The following INIP variants were observed in gnomAD, a reference collection of about 807,000 sequenced individuals.
The protein encoded by INIP is INTS3 and NABP interacting protein, also known as SOSS complex subunit C.
A neutral mutation model predicts 14.0 loss-of-function variants in INIP; 9 were observed. The ratio of observed to expected loss-of-function variants is 0.64; its 90% CI spans 0.39 to 1.12. The LOEUF is 1.12. INIP is among the 50% of genes most tolerant of loss of function. The pLI, the probability that INIP is intolerant of heterozygous loss-of-function variation, is 0.01. For missense variants in INIP, 78 were observed against 122.7 expected (o/e 0.64, Z 1.72); for synonymous variants, 37 against 41.5 (o/e 0.89, Z 0.41).
chr9:112,692,242 A>G (rs1466790564), intron 3 of INIP, among the ~76,000 whole-genome samples: 1 of 152,172 alleles, frequency 6.6e-6, no homozygotes, highest in African/African-American at 2.4e-5. Context: ...TTTAAGAGAA[A>G]GACAGAAGAG....
intron 2 of INIP, among the ~76,000 whole-genome samples, chr9:112,710,293 T>G (rs532944102): frequency 6.6e-6 from 1 of 152,292 alleles, no homozygotes; most frequent in South Asian, 2.1e-4. Flanking sequence ...TCTGCAGATC[T>G]TATAGTTACT....
At chr9:112,688,093 T>TAAATAAATAAAC (rs1837748540) in intron 4 of INIP, among the ~76,000 whole-genome samples, 1 of 142,646 alleles carries the variant, frequency 7.0e-6, no homozygotes, top group African/African-American at 2.8e-5. Flanking sequence ...CTCAAATAAA[T>TAAATAAATAAAC]AAATAAATAA....
At chr9:112,698,750 G>A (rs1838189834) in intron 2 of INIP, among the ~76,000 whole-genome samples, 1 of 152,144 alleles carries the variant, frequency 6.6e-6, no homozygotes, top group African/African-American at 2.4e-5. Context: ...GAGATCCTTA[G>A]ATTCCCAGTT....
intron 2 of INIP, among the ~76,000 whole-genome samples, chr9:112,700,881 G>C (rs548744064): frequency 3.9e-5 from 6 of 152,068 alleles, no homozygotes; most frequent in African/African-American, 1.4e-4. Context: ...GCCAAGAGTG[G>C]TGAGCTATGC....
chr9:112,694,171 G>C lies in INIP; in HGVS notation c.88C>G (p.Leu30Val). Residue 30 changes from leucine (L) to valine (V), a missense_variant, in exon 3 of 5, where the codon CTT becomes GTT. By Grantham distance (32) the Leu-to-Val change is conservative. Coordinates refer to ENST00000374242, the MANE Select transcript of INIP (RefSeq NM_021218.3). ...TTTGTTGAAGACTGGTTCTGCATAA[G>C]TAGTTTTCTTTTCTCTTTGTCCAGT... ...AELDKEKRKLLMQNQSSTNHP... is the reference protein window; with the variant it reads ...AELDKEKRKLVMQNQSSTNHP... 4 of 1,611,546 alleles carry C rather than the reference G, an allele frequency of 2.5e-6. No homozygotes were observed. The highest frequency in any genetic ancestry group is 3.4e-6 in the Non-Finnish European group (4 of 1,178,876).
chr9:112,695,160 T>C (rs573853731), intron 2 of INIP, among the ~76,000 whole-genome samples: 1 of 150,418 alleles, frequency 6.6e-6, no homozygotes, highest in African/African-American at 2.4e-5. Flanking sequence ...ACAATCCTTA[T>C]CACCTTGTTT....
rs770928185 is a variant in INIP, at chr9:112,706,414, A to G, written c.25+10047T>C. Among the ~76,000 whole-genome samples the G allele has an allele frequency of 1.2e-4, 18 of 151,874 alleles. No individual in the cohort carries two copies. The South Asian group carries it at 1.9e-3, about 16-fold the overall frequency. On this transcript the variant is annotated intron_variant, in intron 2 of 4. Coordinates refer to ENST00000374242, the MANE Select transcript of INIP (RefSeq NM_021218.3). ...TAGGTGTGCACTAGCACACCTGGCT[A>G]ATTTTTTTTTTCAATTTTGTGTAGA...
At chr9:112,708,044 T>C (rs1838534523) in intron 2 of INIP, among the ~76,000 whole-genome samples, 2 of 152,238 alleles carry the variant, frequency 1.3e-5, no homozygotes, top group Admixed American at 1.3e-4. Flanking sequence ...ATTCTAGCTT[T>C]CATGGTTTTC....
intron 2 of INIP, among the ~76,000 whole-genome samples, chr9:112,713,133 A>T (rs1031283420): frequency 1.3e-5 from 2 of 152,258 alleles, no homozygotes; most frequent in Non-Finnish European, 2.9e-5. Context: ...CCCAATTTTT[A>T]AAAAATGAGT....
chr9:112,712,367 C>G (rs754034362), intron 2 of INIP, among the ~76,000 whole-genome samples: 3 of 151,848 alleles, frequency 2.0e-5, no homozygotes, highest in African/African-American at 7.3e-5. Context: ...TCTGCTAGAA[C>G]AAAAATCACA....
At chr9:112,694,262 G>C in intron 2 of INIP, 29 bp from the exon 3 acceptor site, 1 of 1,306,082 alleles carries the variant, frequency 7.7e-7, no homozygotes, top group East Asian at 2.3e-5. Flanking sequence ...TAGGAGAAAA[G>C]GGAGAAAGAG....
intron 2 of INIP, among the ~76,000 whole-genome samples, chr9:112,715,053 T>TATGAA (rs1251486740): frequency 8.5e-5 from 13 of 152,096 alleles, no homozygotes; most frequent in Non-Finnish European, 1.6e-4. Context: ...TATTCTATTT[T>TATGAA]ATGAAATGAA....
chr9:112,698,303 C>CAAAAAAAAA (rs755265359), intron 2 of INIP, among the ~76,000 whole-genome samples: 2 of 43,666 alleles, frequency 4.6e-5, no homozygotes, highest in Non-Finnish European at 8.3e-5. Flanking sequence ...GACTCTGTCT[C>CAAAAAAAAA]AAAAAAAAAA....
intron 3 of INIP, among the ~76,000 whole-genome samples, chr9:112,691,599 G>A (rs1278807853): frequency 1.3e-5 from 2 of 152,240 alleles, no homozygotes; most frequent in East Asian, 3.8e-4. Flanking sequence ...AACAGAATTC[G>A]AAGGGCTGTC....
intron 2 of INIP, among the ~76,000 whole-genome samples, chr9:112,709,433 C>A (rs1838582115): frequency 6.6e-6 from 1 of 152,038 alleles, no homozygotes; most frequent in African/African-American, 2.4e-5. Context: ...GGGTTCTCAC[C>A]TCAGCACTAC....
intron 2 of INIP, among the ~76,000 whole-genome samples, chr9:112,695,665 T>TG (rs1838054796): frequency 6.6e-6 from 1 of 151,588 alleles, no homozygotes; most frequent in African/African-American, 2.4e-5. Flanking sequence ...ACCCATGCTA[T>TG]GTCATCAAAC....
chr9:112,710,280 T>A (rs1838605989), intron 2 of INIP, among the ~76,000 whole-genome samples: 1 of 152,218 alleles, frequency 6.6e-6, no homozygotes, highest in Non-Finnish European at 1.5e-5. Flanking sequence ...TCCTACTACC[T>A]GATCTGCAGA....
intron 2 of INIP, among the ~76,000 whole-genome samples, chr9:112,713,552 G>T (rs1029056694): frequency 7.2e-5 from 11 of 152,180 alleles, no homozygotes; most frequent in African/African-American, 2.2e-4. Flanking sequence ...CATTAGCCAG[G>T]CATGGTGATG....
At chr9:112,691,424 T>C (rs1837880171) in intron 3 of INIP, among the ~76,000 whole-genome samples, 1 of 152,158 alleles carries the variant, frequency 6.6e-6, no homozygotes, top group East Asian at 1.9e-4. Flanking sequence ...ACATTTGAAA[T>C]GCCTGTGGAC....
Sources: allele counts gnomAD v4.1 joint callset (sites outside exome capture counted in the v4.1 genomes callset), GRCh38; gene constraint gnomAD v4.1.1; transcripts MANE v1.5; gene names NCBI Gene and HGNC (gene_info 2026-07-23, HGNC 2026-07-21).